TBC1D5: variants seen among roughly 807,000 people sequenced by gnomAD.
TBC1D5 encodes TBC1 domain family member 5, also known as TBC1 domain family, member 5.
A neutral mutation model predicts 100.3 loss-of-function variants in TBC1D5; 75 were observed. The observed-to-expected ratio is 0.75, with a 90% CI of 0.62 to 0.91. The LOEUF (loss-of-function observed/expected upper bound fraction) is 0.91. Among genes scored for constraint, TBC1D5 ranks in the 40% least tolerant of loss-of-function variants. The probability of loss-of-function intolerance (pLI) is 0.00; values close to 1 mark genes in which losing one functional copy is unlikely to be tolerated. For synonymous variants in TBC1D5, 323 were observed against 325.6 expected (o/e 0.99, Z 0.09); for missense variants, 910 against 942.4 (o/e 0.97, Z 0.45).
intron 18 of TBC1D5, among the ~76,000 whole-genome samples, chr3:17,207,625 C>T (rs2072387057): frequency 6.6e-6 from 1 of 152,126 alleles, no homozygotes; most frequent in Non-Finnish European, 1.5e-5. Context: ...GTGATACTTC[C>T]TTTTTATCTA....
intron 1 of TBC1D5, among the ~76,000 whole-genome samples, chr3:17,715,667 G>C (rs2153950233): frequency 6.6e-6 from 1 of 152,154 alleles, no homozygotes; most frequent in East Asian, 1.9e-4. Context: ...AGCCAGGCCT[G>C]GTAGCACACC....
chr3:17,572,689 G>A (rs1383226563), intron 2 of TBC1D5, among the ~76,000 whole-genome samples: 1 of 152,070 alleles, frequency 6.6e-6, no homozygotes, highest in East Asian at 1.9e-4. Flanking sequence ...ATTACATAGA[G>A]ATGTCAAATT....
chr3:17,359,435 A>G (rs2091508221), intron 13 of TBC1D5, among the ~76,000 whole-genome samples: 1 of 152,082 alleles, frequency 6.6e-6, no homozygotes, highest in Admixed American at 6.6e-5. Flanking sequence ...TATACCGGTA[A>G]AACTCTGTCC....
chr3:17,604,722 C>CCAGTGCTCACTGCAACCT (rs1464228679), intron 2 of TBC1D5, among the ~76,000 whole-genome samples: 1 of 152,054 alleles, frequency 6.6e-6, no homozygotes, highest in South Asian at 2.1e-4. Context: ...GCTGTGTTGC[C>CCAGTGCTCACTGCAACCT]CAGTGCTCAC....
chr3:17,365,076 T>C (rs776333020), intron 13 of TBC1D5, among the ~76,000 whole-genome samples: 4 of 152,202 alleles, frequency 2.6e-5, no homozygotes, highest in Non-Finnish European at 5.9e-5. Flanking sequence ...TAGAATTAAG[T>C]AGACTTAAGA....
intron 17 of TBC1D5, among the ~76,000 whole-genome samples, 167 bp from the exon 19 acceptor site, chr3:17,214,537 T>A (rs1292533358): frequency 6.6e-6 from 1 of 151,966 alleles, no homozygotes; most frequent in Non-Finnish European, 1.5e-5. Flanking sequence ...TGTATCAGAA[T>A]AGCCACTGGT....
chr3:17,291,691 C>T (rs749336943), intron 15 of TBC1D5, among the ~76,000 whole-genome samples: 1 of 152,188 alleles, frequency 6.6e-6, no homozygotes, highest in African/African-American at 2.4e-5. Context: ...TCCAGTTTCT[C>T]ATGGCAAGGT....
chr3:17,308,043 C>T (rs759447529), exon 14 of TBC1D5: 4 of 1,610,302 alleles, frequency 2.5e-6, no homozygotes, highest in Non-Finnish European at 3.4e-6. Context: ...TCTACTAAAC[C>T]CAGGCTGAGG....
At chr3:17,352,843 T>C (rs189601864) in intron 13 of TBC1D5, among the ~76,000 whole-genome samples, 4 of 152,146 alleles carry the variant, frequency 2.6e-5, no homozygotes, top group Admixed American at 2.6e-4. Flanking sequence ...ATCGAAACAA[T>C]TACCATTAAT....
At chr3:17,455,665 C>A (rs2095067741) in intron 3 of TBC1D5, among the ~76,000 whole-genome samples, 1 of 151,650 alleles carries the variant, frequency 6.6e-6, no homozygotes, top group South Asian at 2.1e-4. Context: ...TGAAGAAACC[C>A]CATGTCTATA....
rs774218489 is a variant in TBC1D5 at position 17,403,163 on chromosome 3, G to A, written c.509+18C>T. The A allele has an allele frequency of 9.0e-6, 14 of 1,552,638 alleles. No homozygotes were observed. Among genetic ancestry groups the A allele is most frequent in the African/African-American group, 1.4e-5 (1 of 72,864 alleles). On this transcript the variant is annotated intron_variant, in intron 8 of 21. Coordinates refer to ENST00000253692, the Ensembl canonical transcript of TBC1D5. The stretch of plus-strand genomic sequence containing the variant: ...CAATTTGAATTATTGAAAGTAACAT[G>A]TAAATAGTTCTACATACGTTCTTTT...
chr3:17,286,840 A>G (rs901315561), intron 15 of TBC1D5, among the ~76,000 whole-genome samples: 3 of 152,206 alleles, frequency 2.0e-5, no homozygotes, highest in Non-Finnish European at 4.4e-5. Context: ...GCCACTAAAA[A>G]GCTCTGTGAC....
At position 17,695,527 on chromosome 3, in the gene TBC1D5, C is replaced by G. The variant is rs558881425; in HGVS notation, c.-101+43816G>C. Among the ~76,000 whole-genome samples the G allele has an allele frequency of 2.6e-5, 4 of 152,268 alleles. No individual in the cohort carries two copies. The East Asian group carries it at 5.8e-4, about 22-fold the overall frequency. On this transcript the variant is annotated intron_variant, in intron 1 of 21. Coordinates refer to ENST00000253692, the Ensembl canonical transcript of TBC1D5. ...GGCCATTACATAATGGTAAAGGGAT[C>G]AATTCAACAAGAAAAGCTAACTATC...
chr3:17,574,692 A>G (rs2096647036), intron 2 of TBC1D5, among the ~76,000 whole-genome samples: 1 of 152,094 alleles, frequency 6.6e-6, no homozygotes, highest in African/African-American at 2.4e-5. Context: ...CGCAAGTATA[A>G]GATTTCTGGA....
chr3:17,552,469 T>G (rs1469289597), intron 2 of TBC1D5, among the ~76,000 whole-genome samples: 2 of 152,022 alleles, frequency 1.3e-5, no homozygotes, highest in Non-Finnish European at 2.9e-5. Context: ...TTCTGGAGGT[T>G]GAAGTAAGCA....
intron 3 of TBC1D5, 66 bp downstream of exon 3, chr3:17,508,408 A>T: frequency 8.0e-7 from 1 of 1,256,868 alleles, no homozygotes; most frequent in Non-Finnish European, 1.2e-6. Flanking sequence ...GACACAGCTA[A>T]CTGAGGGCCC....
intron 1 of TBC1D5, among the ~76,000 whole-genome samples, chr3:17,687,630 G>A (rs542509388): frequency 3.3e-5 from 5 of 152,086 alleles, no homozygotes; most frequent in Admixed American, 1.3e-4. Context: ...TTGCTCTACC[G>A]TACAGTTTCT....
chr3:17,615,249 G>A (rs1351181411), intron 2 of TBC1D5, among the ~76,000 whole-genome samples: 1 of 152,144 alleles, frequency 6.6e-6, no homozygotes, highest in African/African-American at 2.4e-5. Context: ...TGATCGTGGT[G>A]GATAAACTTT....
chr3:17,246,067 A>G (rs909931560), intron 16 of TBC1D5, among the ~76,000 whole-genome samples: 8 of 152,202 alleles, frequency 5.3e-5, no homozygotes, highest in Non-Finnish European at 1.0e-4. Context: ...AAAAAAATAC[A>G]GCTGCAGTAA....
Sources: gnomAD v4.1 joint callset for allele counts (sites outside exome capture counted in the v4.1 genomes callset) on GRCh38, gnomAD v4.1.1 for gene constraint, MANE v1.5 for transcripts, NCBI Gene and HGNC (gene_info 2026-07-23, HGNC 2026-07-21) for gene names.